Variants in EMC2 observed in about 807,000 individuals in gnomAD.
The protein encoded by EMC2 is TPR repeat protein 35.
EMC2 carries 37 observed loss-of-function variants against 51.6 expected under a neutral mutation model. The ratio of observed to expected loss-of-function variants is 0.72; its 90% CI spans 0.55 to 0.94. The LOEUF is 0.94. Among genes scored for constraint, EMC2 ranks in the 40% least tolerant of loss-of-function variants. The pLI is 0.00. For missense variants in EMC2, 359 were observed against 350.9 expected, an observed-to-expected ratio of 1.02 and a Z score of -0.18; for synonymous variants, 131 against 112.4, an observed-to-expected ratio of 1.17 and a Z score of -1.04.
At chr8:108,458,851 A>T (rs1357472980) in intron 5 of EMC2, among the ~76,000 whole-genome samples, 1 of 152,182 alleles carries the variant, frequency 6.6e-6, no homozygotes, top group Non-Finnish European at 1.5e-5. Context: ...TTCTCAGAAA[A>T]TGGGGTTTAC....
intron 10 of EMC2, among the ~76,000 whole-genome samples, chr8:108,482,988 C>G (rs979501039): frequency 1.3e-5 from 2 of 151,996 alleles, no homozygotes; most frequent in Admixed American, 6.6e-5. Flanking sequence ...TGAGTCCCGT[C>G]CATGGAAGCT....
intron 4 of EMC2, among the ~76,000 whole-genome samples, chr8:108,454,483 T>C (rs974631292): frequency 1.3e-5 from 2 of 152,078 alleles, no homozygotes; most frequent in Admixed American, 1.3e-4. Context: ...GCAAATACCT[T>C]ACAACAGAGT....
chr8:108,475,826 C>T, intron 7 of EMC2, 56 bp from the exon 8 acceptor site: 1 of 966,566 alleles, frequency 1.0e-6, no homozygotes, highest in Non-Finnish European at 1.6e-6. Flanking sequence ...CAAGGTTTAA[C>T]TAAGATAAAA....
intron 5 of EMC2, among the ~76,000 whole-genome samples, chr8:108,468,679 G>T (rs572637262): frequency 4.6e-4 from 70 of 151,988 alleles, no homozygotes; most frequent in Non-Finnish European, 7.9e-4. Context: ...TTTTACTTCT[G>T]TCTGCATCTT....
rs749271679 is a variant in EMC2, at chr8:108,487,191, T to G, written c.*593T>G. 2.0e-5 allele frequency among the ~76,000 whole-genome samples: 3 copies of G among 152,114 alleles called. No individual in the cohort carries two copies. Among genetic ancestry groups the G allele is most frequent in the Non-Finnish European group, 4.4e-5 (3 of 67,956 alleles). On this transcript the variant is annotated 3_prime_UTR_variant, in exon 11 of 11. Coordinates refer to ENST00000220853, the MANE Select transcript of EMC2 (RefSeq NM_014673.5). ...GTTCAGCAATATTTCTTTGTAAAAT[T>G]TTTGTTTTGATATAGGACATAATTG... is the stretch of plus-strand genomic sequence containing the variant.
intron 7 of EMC2, chr8:108,474,022 C>T (rs1810904942): frequency 6.6e-6 from 1 of 152,016 alleles, no homozygotes; most frequent in Non-Finnish European, 1.5e-5. Context: ...ACTAGACCAT[C>T]TGTTGAGCTC....
At chr8:108,444,187 A>T (rs911247052) in intron 1 of EMC2, among the ~76,000 whole-genome samples, 50 of 152,210 alleles carry the variant, frequency 3.3e-4, no homozygotes, top group African/African-American at 1.1e-3. Context: ...CTCTACATTT[A>T]GTTTTCTTCT....
At chr8:108,466,570 G>A (rs1194160671) in intron 5 of EMC2, among the ~76,000 whole-genome samples, 2 of 148,808 alleles carry the variant, frequency 1.3e-5, no homozygotes, top group Non-Finnish European at 3.0e-5. Flanking sequence ...TCCCACCTCA[G>A]CTTCCTGATT....
intron 5 of EMC2, among the ~76,000 whole-genome samples, chr8:108,459,116 T>A (rs975123282): frequency 6.6e-6 from 1 of 152,174 alleles, no homozygotes; most frequent in Non-Finnish European, 1.5e-5. Context: ...GTTCCTCATC[T>A]CCATCTGAGA....
At chr8:108,464,412 G>A (rs934660701) in intron 5 of EMC2, among the ~76,000 whole-genome samples, 23 of 152,158 alleles carry the variant, frequency 1.5e-4, no homozygotes, top group Admixed American at 1.3e-4. Context: ...GTGGAGGGAG[G>A]CAGGCAGGCC....
chr8:108,443,731 TA>T, intron 1 of EMC2, 33 bp downstream of exon 1: 1 of 1,589,696 alleles, frequency 6.3e-7, no homozygotes, highest in Non-Finnish European at 8.6e-7. Flanking sequence ...GCGGAAAGAC[TA>T]AAAGCGCTGG....
chr8:108,443,669 T>G lies in EMC2; in HGVS notation c.11T>G (p.Val4Gly). 2 of 1,609,702 alleles carry G rather than the reference T, an allele frequency of 1.2e-6. No homozygotes were observed. Among genetic ancestry groups the G allele is most frequent in the Non-Finnish European group, 1.7e-6 (2 of 1,177,932 alleles). The change falls in exon 1 of 11, where the codon GTC becomes GGC. Residue 4 changes from valine (V) to glycine (G), a missense_variant. Coordinates refer to ENST00000220853, the MANE Select transcript of EMC2 (RefSeq NM_014673.5). Reference sequence around the variant, plus strand: ...CTAGGTTCTGGGAAGATGGCGAAGGTCTCAGAGCTTTACGATGTCACTTGG... The same window carrying G: ...CTAGGTTCTGGGAAGATGGCGAAGGGCTCAGAGCTTTACGATGTCACTTGG... MAK[V>G]SELYDVTWEE...
chr8:108,472,953 C>G (rs1205645401), intron 7 of EMC2, among the ~76,000 whole-genome samples: 1 of 151,890 alleles, frequency 6.6e-6, no homozygotes. Flanking sequence ...GGCTAAAGTA[C>G]TCTTCCCACC....
chr8:108,482,561 GA>G (rs1405949089), intron 10 of EMC2, among the ~76,000 whole-genome samples: 2 of 151,318 alleles, frequency 1.3e-5, no homozygotes, highest in African/African-American at 2.4e-5. Flanking sequence ...AACCCATTTG[GA>G]ATTGATTTAT....
At chr8:108,448,738 T>G (rs1818940253) in intron 1 of EMC2, among the ~76,000 whole-genome samples, 1 of 152,220 alleles carries the variant, frequency 6.6e-6, no homozygotes, top group Non-Finnish European at 1.5e-5. Flanking sequence ...AACCAGTTTC[T>G]TTTCTTTGAA....
intron 10 of EMC2, among the ~76,000 whole-genome samples, chr8:108,485,054 ACTAAT>A (rs1054200566): frequency 7.9e-5 from 12 of 151,886 alleles, no homozygotes; most frequent in Admixed American, 1.3e-4. Context: ...AGCTACAGAA[ACTAAT>A]CTAATGGTTT....
chr8:108,482,073 CT>C (rs1350222113), intron 10 of EMC2, among the ~76,000 whole-genome samples: 1 of 152,126 alleles, frequency 6.6e-6, no homozygotes. Flanking sequence ...GTATATTTAA[CT>C]TTAGTAGTTA....
chr8:108,446,888 G>T (rs1389968492), intron 1 of EMC2, among the ~76,000 whole-genome samples: 1 of 152,048 alleles, frequency 6.6e-6, no homozygotes, highest in Non-Finnish European at 1.5e-5. Flanking sequence ...AGCTTAAGGT[G>T]TTTATAGGTA....
intron 5 of EMC2, chr8:108,464,077 T>G (rs925939856): frequency 1.3e-5 from 2 of 152,206 alleles, no homozygotes; most frequent in African/African-American, 4.8e-5. Context: ...ACGTGGGAAT[T>G]AAGCCCAGCT....
Sources: allele counts gnomAD v4.1 joint callset (sites outside exome capture counted in the v4.1 genomes callset), GRCh38; gene constraint gnomAD v4.1.1; transcripts MANE v1.5; gene names NCBI Gene and HGNC (gene_info 2026-07-23, HGNC 2026-07-21).